The following GALNT13 variants were observed in gnomAD, a reference collection of about 807,000 sequenced individuals.
GALNT13 encodes UDP-GalNAc:polypeptide N-acetylgalactosaminyltransferase 13.
Under a neutral mutation model 64.2 loss-of-function variants are expected in GALNT13, and 28 were observed. The ratio of observed to expected loss-of-function variants is 0.44; its 90% CI spans 0.32 to 0.60. The LOEUF is 0.60. GALNT13 is among the 20% of genes least tolerant of loss of function. The pLI, the probability that GALNT13 is intolerant of heterozygous loss-of-function variation, is 0.05. For synonymous variants in GALNT13, 214 were observed against 224.6 expected, an observed-to-expected ratio of 0.95 and a Z score of 0.42; for missense variants, 577 against 669.8, an observed-to-expected ratio of 0.86 and a Z score of 1.53.
chr2:153,587,214 C>T, the GALNT13 span, among the ~76,000 whole-genome samples: 3 of 130,368 alleles, frequency 2.3e-5, no homozygotes, highest in Non-Finnish European at 3.1e-5. Context: ...GCTTGGGTGA[C>T]AGACTGAGAC....
intron 3 of GALNT13, among the ~76,000 whole-genome samples, chr2:154,061,865 ATTAT>A (rs1700207015): frequency 6.6e-6 from 1 of 152,112 alleles, no homozygotes; most frequent in South Asian, 2.1e-4. Context: ...TTTTTCTAAC[ATTAT>A]TTATATTGTA....
the GALNT13 span, among the ~76,000 whole-genome samples, chr2:153,238,186 A>C: frequency 1.3e-5 from 2 of 151,906 alleles, no homozygotes; most frequent in South Asian, 4.1e-4. Flanking sequence ...TCTGATTATT[A>C]AATTTTTTCT....
chr2:153,617,588 T>C, the GALNT13 span, among the ~76,000 whole-genome samples: 1 of 152,040 alleles, frequency 6.6e-6, no homozygotes, highest in African/African-American at 2.4e-5. Context: ...AGTTTGGAAG[T>C]ATTCCCTCCT....
chr2:153,631,469 C>T, the GALNT13 span, among the ~76,000 whole-genome samples: 1 of 152,174 alleles, frequency 6.6e-6, no homozygotes, highest in Non-Finnish European at 1.5e-5. Context: ...CTCTCCAGCA[C>T]CTGTTGTTTC....
Position 154,259,224 on chromosome 2 carries a change from C to T in GALNT13, c.975+86C>T, listed in dbSNP as rs1448257857. The T allele has an allele frequency of 7.7e-6, 6 of 774,336 alleles. No homozygotes were observed. The East Asian group carries it at 1.3e-4, about 17-fold the overall frequency. The allele number at this position is 774,336 out of a possible 1,614,324, so 48.0% of individuals were successfully genotyped here. A position where few individuals can be genotyped will look rare whatever the true frequency, so the allele number is the denominator to read the frequency against. On this transcript the variant is annotated intron_variant, in intron 8 of 12. Transcript: ENST00000392825. ...CAGTCCCAGTAATTTACTGTCAAAT[C>T]ATTTTTGCTGAGTGATGCAAATTAC... is the stretch of plus-strand genomic sequence containing the variant.
At chr2:153,536,468 T>TG in the GALNT13 span, among the ~76,000 whole-genome samples, 3 of 152,202 alleles carry the variant, frequency 2.0e-5, no homozygotes, top group Non-Finnish European at 2.9e-5. Flanking sequence ...TTGAGTTTTT[T>TG]TTTTTAGTTT....
chr2:153,345,635 TTTTCTTTCTTTCTTTCTTTC>T, the GALNT13 span, among the ~76,000 whole-genome samples: 79 of 68,858 alleles, frequency 1.1e-3, 2 homozygotes, highest in East Asian at 8.8e-3. Context: ...TTTCCTTTCT[TTTTCTTTCTTTCTTTCTTTC>T]TTTCTTTCTT....
chr2:153,734,779 C>T, the GALNT13 span, among the ~76,000 whole-genome samples: 778 of 152,182 alleles, frequency 5.1e-3, 5 homozygotes, highest in African/African-American at 0.018. Context: ...ATTCTGATTA[C>T]GCTGACATTT....
chr2:153,798,154 G>A, the GALNT13 span, among the ~76,000 whole-genome samples: 3 of 152,088 alleles, frequency 2.0e-5, no homozygotes, highest in Admixed American at 6.6e-5. Context: ...CTCCTTTTGC[G>A]CTAGCTGGTA....
the GALNT13 span, among the ~76,000 whole-genome samples, chr2:153,661,153 C>T: frequency 1.3e-5 from 2 of 151,944 alleles, no homozygotes; most frequent in African/African-American, 4.8e-5. Context: ...GTAATCCTGT[C>T]CAATTCACTT....
At chr2:154,244,729 C>T (rs906745166) in intron 6 of GALNT13, among the ~76,000 whole-genome samples, 4 of 152,082 alleles carry the variant, frequency 2.6e-5, no homozygotes, top group African/African-American at 9.7e-5. Flanking sequence ...TTAGAGAAGG[C>T]ACAACATGGA....
At chr2:153,121,807 T>A in the GALNT13 span, among the ~76,000 whole-genome samples, 4 of 152,234 alleles carry the variant, frequency 2.6e-5, no homozygotes, top group Non-Finnish European at 5.9e-5. Flanking sequence ...GTGCTGGGAT[T>A]ACAGGCATGA....
the GALNT13 span, among the ~76,000 whole-genome samples, chr2:153,390,362 G>A: frequency 0.028 from 4,326 of 152,130 alleles, 89 homozygotes; most frequent in Non-Finnish European, 0.045. Context: ...CCTAATGCAG[G>A]TGATGGGTTG....
the GALNT13 span, among the ~76,000 whole-genome samples, chr2:153,280,834 T>C: frequency 3.9e-5 from 6 of 152,168 alleles, no homozygotes; most frequent in Non-Finnish European, 8.8e-5. Context: ...AGAATTTATA[T>C]TTGGTAGTTG....
At chr2:153,286,555 G>A in the GALNT13 span, among the ~76,000 whole-genome samples, 1 of 152,118 alleles carries the variant, frequency 6.6e-6, no homozygotes, top group Non-Finnish European at 1.5e-5. Context: ...ATATTTAAAT[G>A]CTAACATATC....
chr2:154,315,004 A>C (rs1309056197), intron 9 of GALNT13, among the ~76,000 whole-genome samples: 1 of 152,194 alleles, frequency 6.6e-6, no homozygotes, highest in Non-Finnish European at 1.5e-5. Context: ...ACTCTTAGGA[A>C]AGTGATGCAA....
At chr2:153,573,793 C>G in the GALNT13 span, among the ~76,000 whole-genome samples, 1 of 152,006 alleles carries the variant, frequency 6.6e-6, no homozygotes, top group Non-Finnish European at 1.5e-5. Context: ...ATTGTACTGT[C>G]TATAACTTGA....
intron 3 of GALNT13, among the ~76,000 whole-genome samples, chr2:154,068,052 G>T (rs1700558965): frequency 6.6e-6 from 1 of 151,956 alleles, no homozygotes; most frequent in Non-Finnish European, 1.5e-5. Context: ...ATGGGCCAAA[G>T]ATCTGAATTG....
the GALNT13 span, among the ~76,000 whole-genome samples, chr2:153,454,400 A>G: frequency 6.6e-6 from 1 of 152,198 alleles, no homozygotes; most frequent in Non-Finnish European, 1.5e-5. Flanking sequence ...AGCCTGCTGC[A>G]GAATAAACTT....
Sources: gnomAD v4.1 joint callset for allele counts (sites outside exome capture counted in the v4.1 genomes callset) on GRCh38, gnomAD v4.1.1 for gene constraint, MANE v1.5 for transcripts, NCBI Gene and HGNC (gene_info 2026-07-23, HGNC 2026-07-21) for gene names.